The following RGS7 variants were observed in gnomAD, a reference collection of about 807,000 sequenced individuals.
RGS7 encodes regulator of G-protein signaling 7.
Under a neutral mutation model 81.1 loss-of-function variants are expected in RGS7, and 27 were observed. That is an observed-to-expected ratio of 0.33 (90% CI 0.25 to 0.46). RGS7 has a LOEUF of 0.46. Among genes scored for constraint, RGS7 ranks in the 20% least tolerant of loss-of-function variants. RGS7 has a pLI of 1.00. For missense variants in RGS7, 396 were observed against 607.4 expected (o/e 0.65, Z 3.66); for synonymous variants, 208 against 207.7 (o/e 1.00, Z -0.01).
intron 3 of RGS7, among the ~76,000 whole-genome samples, chr1:241,029,985 A>C (rs969187735): frequency 1.7e-4 from 26 of 152,192 alleles, no homozygotes; most frequent in African/African-American, 6.3e-4. Flanking sequence ...ACGGTTCTGC[A>C]GTTTTTCCTA....
chr1:241,046,968 G>A (rs945243794), intron 3 of RGS7, among the ~76,000 whole-genome samples: 1 of 152,076 alleles, frequency 6.6e-6, no homozygotes, highest in African/African-American at 2.4e-5. Flanking sequence ...AATGCCAGTG[G>A]ACCTCCTCCA....
intron 2 of RGS7, among the ~76,000 whole-genome samples, chr1:241,238,219 C>G (rs2076083624): frequency 2.0e-5 from 3 of 152,120 alleles, no homozygotes; most frequent in Non-Finnish European, 4.4e-5. Flanking sequence ...GTCTTTTATA[C>G]TGGGCATGTG....
intron 2 of RGS7, among the ~76,000 whole-genome samples, chr1:241,353,845 A>C (rs1269494478): frequency 6.6e-6 from 1 of 152,114 alleles, no homozygotes. Flanking sequence ...AGTAAACCCA[A>C]AATTACCAAT....
At chr1:241,173,735 A>T (rs2070901414) in intron 2 of RGS7, among the ~76,000 whole-genome samples, 1 of 152,200 alleles carries the variant, frequency 6.6e-6, no homozygotes, top group Admixed American at 6.5e-5. Context: ...CAGCCATGAT[A>T]GCACCATTGT....
chr1:240,820,269 G>C (rs1691532522), intron 10 of RGS7, among the ~76,000 whole-genome samples: 1 of 152,124 alleles, frequency 6.6e-6, no homozygotes, highest in Non-Finnish European at 1.5e-5. Flanking sequence ...TTAATAGCAA[G>C]ATCATTTATT....
At chr1:240,783,423 A>C (rs1684459747) in intron 18 of RGS7, among the ~76,000 whole-genome samples, 1 of 151,722 alleles carries the variant, frequency 6.6e-6, no homozygotes, top group Admixed American at 6.6e-5. Flanking sequence ...TGAGTTTGAG[A>C]CCAGCACGGC....
At chr1:240,867,952 G>T (rs1663617081) in intron 9 of RGS7, among the ~76,000 whole-genome samples, 1 of 149,350 alleles carries the variant, frequency 6.7e-6, no homozygotes, top group African/African-American at 2.5e-5. Context: ...AGTGAGCCAA[G>T]ATCATGCCAC....
intron 9 of RGS7, among the ~76,000 whole-genome samples, chr1:240,850,207 C>A (rs372662065): frequency 6.6e-6 from 1 of 152,152 alleles, no homozygotes; most frequent in African/African-American, 2.4e-5. Flanking sequence ...GTTCTTTTTG[C>A]AGATTGAAGG....
chr1:241,135,001 G>A (rs950727389), intron 2 of RGS7, among the ~76,000 whole-genome samples: 1 of 151,980 alleles, frequency 6.6e-6, no homozygotes, highest in Non-Finnish European at 1.5e-5. Context: ...AGGCCGTCCG[G>A]GTACTACGTA....
At position 241,232,906 on chromosome 1, in the gene RGS7, AT is replaced by A. The variant is rs568939092; in HGVS notation, c.78+122792del. Among the ~76,000 whole-genome samples the A allele has an allele frequency of 3.4e-3, 510 of 152,188 alleles. 6 individuals carry two copies. The highest frequency in any genetic ancestry group is 9.3e-3 in the African/African-American group (388 of 41,506). On this transcript the variant is annotated intron_variant, in intron 2 of 18. Transcript: ENST00000440928. The stretch of plus-strand genomic sequence containing the variant: ...TAAGTGCTTTGTACTTTTTGATGCT[AT>A]TTTTATTGTTATATTGTCCATTGCT...
At chr1:240,995,375 C>T (rs1687113277) in intron 3 of RGS7, among the ~76,000 whole-genome samples, 1 of 152,118 alleles carries the variant, frequency 6.6e-6, no homozygotes, top group Non-Finnish European at 1.5e-5. Flanking sequence ...ATATTCTCTC[C>T]TCTTCTGTTT....
At chr1:241,338,669 C>T (rs1404209499) in intron 2 of RGS7, among the ~76,000 whole-genome samples, 1 of 150,380 alleles carries the variant, frequency 6.6e-6, no homozygotes, top group Non-Finnish European at 1.5e-5. Flanking sequence ...GAATAACTAT[C>T]CTATTAATTT....
At chr1:240,886,311 T>C (rs1049037231) in intron 6 of RGS7, among the ~76,000 whole-genome samples, 1 of 152,146 alleles carries the variant, frequency 6.6e-6, no homozygotes, top group Non-Finnish European at 1.5e-5. Context: ...TGACACCCAA[T>C]GGATAAGCCC....
intron 3 of RGS7, among the ~76,000 whole-genome samples, chr1:241,098,216 C>T (rs779674459): frequency 2.6e-5 from 4 of 152,192 alleles, no homozygotes; most frequent in African/African-American, 7.2e-5. Flanking sequence ...CTGTCGAGTT[C>T]GGTGAGCACA....
chr1:241,281,313 T>C (rs1398787808), intron 2 of RGS7, among the ~76,000 whole-genome samples: 1 of 152,244 alleles, frequency 6.6e-6, no homozygotes, highest in Non-Finnish European at 1.5e-5. Flanking sequence ...TGTGATAATT[T>C]TGTAGCCACC....
At chr1:241,002,845 A>G (rs1163620081) in intron 3 of RGS7, among the ~76,000 whole-genome samples, 1 of 152,240 alleles carries the variant, frequency 6.6e-6, no homozygotes, top group Non-Finnish European at 1.5e-5. Context: ...GAATAATCTC[A>G]TTCATACTTC....
intron 2 of RGS7, among the ~76,000 whole-genome samples, chr1:241,270,853 G>A (rs1222460462): frequency 6.6e-6 from 1 of 151,490 alleles, no homozygotes; most frequent in Non-Finnish European, 1.5e-5. Flanking sequence ...CCGCCTCCCG[G>A]GTTCACACCA....
chr1:241,337,681 G>A (rs2148682620), intron 2 of RGS7, among the ~76,000 whole-genome samples: 1 of 152,206 alleles, frequency 6.6e-6, no homozygotes, highest in East Asian at 1.9e-4. Context: ...AAACACTCAA[G>A]AAGGAGCCAG....
At chr1:240,913,561 G>A (rs1331203287) in intron 6 of RGS7, among the ~76,000 whole-genome samples, 1 of 152,216 alleles carries the variant, frequency 6.6e-6, no homozygotes, top group African/African-American at 2.4e-5. Context: ...TGTCGTATTA[G>A]GTAAATGGGT....
Sources: gnomAD v4.1 joint callset for allele counts (sites outside exome capture counted in the v4.1 genomes callset) on GRCh38, gnomAD v4.1.1 for gene constraint, MANE v1.5 for transcripts, NCBI Gene and HGNC (gene_info 2026-07-23, HGNC 2026-07-21) for gene names.